The following ACTR3C variants were observed in gnomAD, a reference collection of about 807,000 sequenced individuals.
The protein encoded by ACTR3C is actin-related protein 3C.
Under a neutral mutation model 26.3 loss-of-function variants are expected in ACTR3C, and 18 were observed. The observed-to-expected ratio is 0.68, with a 90% CI of 0.47 to 1.01. ACTR3C has a LOEUF of 1.01. ACTR3C is among the 50% of genes least tolerant of loss of function. The probability of loss-of-function intolerance (pLI) is 0.00; values close to 1 mark genes in which losing one functional copy is unlikely to be tolerated. For synonymous variants in ACTR3C, 55 were observed against 94.5 expected (o/e 0.58, Z 2.42); for missense variants, 184 against 250.7 (o/e 0.73, Z 1.80).
At chr7:149,991,222 G>A in the ACTR3C span, among the ~76,000 whole-genome samples, 1 of 152,136 alleles carries the variant, frequency 6.6e-6, no homozygotes, top group Non-Finnish European at 1.5e-5. Flanking sequence ...GAACAACACA[G>A]GAAAGACCCA....
At chr7:150,102,649 C>A in the ACTR3C span, among the ~76,000 whole-genome samples, 2 of 152,068 alleles carry the variant, frequency 1.3e-5, no homozygotes, top group African/African-American at 4.8e-5. Flanking sequence ...GACACTGTCA[C>A]CTTCGCGGAG....
the ACTR3C span, among the ~76,000 whole-genome samples, chr7:149,912,155 A>T: frequency 3.0e-4 from 45 of 152,112 alleles, no homozygotes; most frequent in East Asian, 8.5e-3. Context: ...GTATGAAACA[A>T]ATGGTAAATC....
chr7:150,304,108 C>A (rs116601030), intron 1 of ACTR3C, among the ~76,000 whole-genome samples: 1 of 152,142 alleles, frequency 6.6e-6, no homozygotes, highest in Admixed American at 6.5e-5. Context: ...GGAGAGGAGG[C>A]GACAATATAC....
the ACTR3C span, among the ~76,000 whole-genome samples, chr7:150,012,408 G>A: frequency 3.3e-5 from 5 of 150,860 alleles, no homozygotes; most frequent in Admixed American, 6.6e-5. Flanking sequence ...TCTGCCTCCC[G>A]GGTTCACGCC....
chr7:150,065,725 T>A, the ACTR3C span, among the ~76,000 whole-genome samples: 2 of 150,840 alleles, frequency 1.3e-5, no homozygotes, highest in Admixed American at 1.3e-4. Context: ...ATTTTGCATA[T>A]GTTTTAGCTT....
the ACTR3C span, among the ~76,000 whole-genome samples, chr7:150,088,701 C>T: frequency 3.3e-4 from 50 of 152,174 alleles, no homozygotes; most frequent in Non-Finnish European, 5.7e-4. Flanking sequence ...TCATTTTGTA[C>T]AGTTTCATCA....
At chr7:149,914,111 A>G in the ACTR3C span, among the ~76,000 whole-genome samples, 2 of 149,780 alleles carry the variant, frequency 1.3e-5, no homozygotes, top group East Asian at 2.0e-4. Context: ...TTGGTCTCAA[A>G]CTCTTGGGCT....
At chr7:150,196,765 C>T in the ACTR3C span, among the ~76,000 whole-genome samples, 1 of 152,148 alleles carries the variant, frequency 6.6e-6, no homozygotes, top group South Asian at 2.1e-4. Context: ...GTTTGGGATT[C>T]GTTGTTGTTT....
At chr7:150,205,300 A>G in the ACTR3C span, among the ~76,000 whole-genome samples, 1 of 152,240 alleles carries the variant, frequency 6.6e-6, no homozygotes, top group African/African-American at 2.4e-5. Flanking sequence ...TGAAGCTGCT[A>G]AGGTACTTTG....
At chr7:149,906,379 A>G in the ACTR3C span, among the ~76,000 whole-genome samples, 1 of 141,514 alleles carries the variant, frequency 7.1e-6, no homozygotes, top group Non-Finnish European at 1.5e-5. Context: ...CTTGGTGGTG[A>G]GTCCATGGGG....
intron 1 of ACTR3C, chr7:150,323,029 T>C (rs1797717330): frequency 6.6e-6 from 1 of 152,398 alleles, no homozygotes; most frequent in African/African-American, 2.4e-5. Context: ...CGGGAGGAAA[T>C]CTAGGCCGCC....
At chr7:150,044,754 A>G in the ACTR3C span, 1 of 152,240 alleles carries the variant, frequency 6.6e-6, no homozygotes. Context: ...TTGCAGACAG[A>G]AAGACAACAG....
At chr7:150,071,379 C>A in the ACTR3C span, among the ~76,000 whole-genome samples, 1 of 150,816 alleles carries the variant, frequency 6.6e-6, no homozygotes, top group African/African-American at 2.4e-5. Flanking sequence ...CCGCCTCAGC[C>A]TCCCAAAGTG....
At chr7:150,137,625 G>T in the ACTR3C span, among the ~76,000 whole-genome samples, 10 of 152,046 alleles carry the variant, frequency 6.6e-5, no homozygotes, top group African/African-American at 2.4e-4. Context: ...CTTCGCTCAG[G>T]GGTCTTTAAT....
chr7:150,092,083 C>A, the ACTR3C span, among the ~76,000 whole-genome samples: 1 of 140,350 alleles, frequency 7.1e-6, no homozygotes, highest in African/African-American at 2.6e-5. Context: ...ATGGACTCTG[C>A]TGTGAGCTTT....
At chr7:149,966,867 T>G in the ACTR3C span, among the ~76,000 whole-genome samples, 5 of 151,840 alleles carry the variant, frequency 3.3e-5, no homozygotes, top group East Asian at 1.9e-4. Flanking sequence ...TCCTTTTTTT[T>G]TGTGTGTGTG....
At chr7:150,099,080 C>T in the ACTR3C span, among the ~76,000 whole-genome samples, 15 of 145,594 alleles carry the variant, frequency 1.0e-4, no homozygotes, top group Non-Finnish European at 2.2e-4. Context: ...TTTGACAACC[C>T]TCAGTGAAAA....
chr7:149,942,931 C>T, the ACTR3C span, among the ~76,000 whole-genome samples: 2 of 151,794 alleles, frequency 1.3e-5, no homozygotes, highest in African/African-American at 2.4e-5. Context: ...TTGGGCTGAT[C>T]GACGAACAAA....
chr7:149,994,283 T>A, the ACTR3C span, among the ~76,000 whole-genome samples: 1 of 152,126 alleles, frequency 6.6e-6, no homozygotes. Flanking sequence ...TGTGGCTGAA[T>A]GAGGGGTCCC....
Sources: allele counts gnomAD v4.1 joint callset (sites outside exome capture counted in the v4.1 genomes callset), GRCh38; gene constraint gnomAD v4.1.1; transcripts MANE v1.5; gene names NCBI Gene and HGNC (gene_info 2026-07-23, HGNC 2026-07-21).